Variants in GSK3B observed in about 807,000 individuals in gnomAD.
GSK3B encodes the protein glycogen synthase kinase-3 beta.
Under a neutral mutation model 56.4 loss-of-function variants are expected in GSK3B, and 15 were observed. The observed-to-expected ratio is 0.27, with a 90% confidence interval of 0.18 to 0.41. The LOEUF (loss-of-function observed/expected upper bound fraction) is 0.41. Ranked by LOEUF, GSK3B falls within the 10% of genes least tolerant of loss-of-function variation. GSK3B has a pLI of 1.00. For synonymous variants in GSK3B, 181 were observed against 188.9 expected (o/e 0.96, Z 0.34); for missense variants, 300 against 513.4 (o/e 0.58, Z 4.02).
chr3:119,990,159 C>A (rs563401841), intron 2 of GSK3B, among the ~76,000 whole-genome samples: 50 of 152,244 alleles, frequency 3.3e-4, no homozygotes, highest in African/African-American at 1.2e-3. Context: ...GACATGCTAG[C>A]CCCGAAATAA....
intron 2 of GSK3B, among the ~76,000 whole-genome samples, chr3:119,962,073 T>G (rs1224902197): frequency 6.6e-6 from 1 of 152,124 alleles, no homozygotes; most frequent in Non-Finnish European, 1.5e-5. Flanking sequence ...ATGGAGCATG[T>G]GTATATGAAA....
At chr3:119,969,859 T>C (rs1369389472) in intron 2 of GSK3B, among the ~76,000 whole-genome samples, 1 of 152,210 alleles carries the variant, frequency 6.6e-6, no homozygotes, top group Non-Finnish European at 1.5e-5. Flanking sequence ...CCAGGAATAA[T>C]GAATGAATTT....
intron 2 of GSK3B, among the ~76,000 whole-genome samples, chr3:120,001,291 G>A (rs898209446): frequency 6.6e-6 from 1 of 152,078 alleles, no homozygotes; most frequent in Non-Finnish European, 1.5e-5. Flanking sequence ...CAGCACTTTG[G>A]GAGGCTGAGA....
intron 2 of GSK3B, among the ~76,000 whole-genome samples, chr3:119,997,339 G>A (rs1478663271): frequency 6.6e-6 from 1 of 152,104 alleles, no homozygotes; most frequent in East Asian, 1.9e-4. Context: ...TTACATGGAG[G>A]AAGACTTGCA....
rs2055414001 is a variant in GSK3B, at chr3:119,821,840, TGTTTC to T, written c.*4943_*4947del. 5.9e-6 allele frequency: 1 copy of T among 170,182 alleles called. No individual in the cohort carries two copies. Among genetic ancestry groups the T allele is most frequent in the African/African-American group, 2.4e-5 (1 of 42,068 alleles). The allele number at this position is 170,182 out of a possible 1,614,324, so 10.5% of individuals were successfully genotyped here. A position where few individuals can be genotyped will look rare whatever the true frequency, so the allele number is the denominator to read the frequency against. On this transcript the variant is annotated 3_prime_UTR_variant, in exon 11 of 11. Coordinates refer to ENST00000264235, the MANE Select transcript of GSK3B (RefSeq NM_001146156.2). The stretch of plus-strand genomic sequence containing the variant: ...TCTTGTTCTGTATAACAAAGATTAA[TGTTTC>T]CCTAATTAGAGGAATGGAAATGGTG...
At position 120,093,329 on chromosome 3, in the gene GSK3B, A is replaced by G. The variant is rs943638890; in HGVS notation, c.88+18T>C. 5 of 1,550,408 alleles carry G rather than the reference A, an allele frequency of 3.2e-6. No individual in the cohort carries two copies. The highest frequency in any genetic ancestry group is 4.5e-5 in the East Asian group (2 of 44,546). ...AGGGCGAGGTGGAAAAGGGGTGTAA[A>G]ATAAAACCAATACTCACTGCTAACT... On this transcript the variant is annotated intron_variant, in intron 1 of 10. Coordinates refer to ENST00000264235, the MANE Select transcript of GSK3B (RefSeq NM_001146156.2).
intron 1 of GSK3B, among the ~76,000 whole-genome samples, chr3:120,011,954 A>C (rs1434563452): frequency 6.6e-6 from 1 of 152,162 alleles, no homozygotes; most frequent in East Asian, 1.9e-4. Context: ...CACTACCACT[A>C]ACTTCATATT....
intron 1 of GSK3B, among the ~76,000 whole-genome samples, chr3:120,075,200 T>A: frequency 6.6e-6 from 1 of 152,322 alleles, no homozygotes. Flanking sequence ...TAAAAACTCT[T>A]TAACAGTTTA....
At chr3:119,910,841 T>G (rs537453444) in intron 6 of GSK3B, among the ~76,000 whole-genome samples, 1 of 152,348 alleles carries the variant, frequency 6.6e-6, no homozygotes, top group East Asian at 1.9e-4. Flanking sequence ...TCTTAACCAC[T>G]AGTAGATTCC....
In GSK3B at chr3:120,093,385, A is replaced by G; in HGVS notation, c.50T>C (p.Val17Ala). 6.2e-7 allele frequency: 1 copy of G among 1,613,932 alleles called. No homozygotes were observed. Among genetic ancestry groups the G allele is most frequent in the African/African-American group, 1.3e-5 (1 of 75,052 alleles). ...TTSFAESCKP[V>A]QQPSAFGSMK... ...GCTGCCAAAAGCTGAAGGCTGCTGC[A>G]CCGGCTTGCAGCTCTCCGCAAAGGA... Residue 17 changes from valine to alanine, a missense_variant, in exon 1 of 11, where the codon GTG (valine) becomes GCG (alanine). Around this residue, in one of 6 missense-constraint regions of GSK3B, gnomAD observed 53 missense variants for 64.6 expected, o/e 0.82. Transcript: ENST00000264235.
intron 3 of GSK3B, among the ~76,000 whole-genome samples, chr3:119,930,046 C>G (rs2056929253): frequency 6.6e-6 from 1 of 150,774 alleles, no homozygotes; most frequent in Non-Finnish European, 1.5e-5. Flanking sequence ...ACCACTGCAA[C>G]CCAGCCTGGA....
intron 10 of GSK3B, among the ~76,000 whole-genome samples, chr3:119,827,608 A>T (rs9875945): frequency 0.061 from 5,799 of 94,538 alleles, 585 homozygotes; most frequent in African/African-American, 0.2. Flanking sequence ...AAAAAAAAAA[A>T]AGAGAGAGAG....
intron 3 of GSK3B, among the ~76,000 whole-genome samples, chr3:119,933,857 G>A (rs995758646): frequency 6.6e-6 from 1 of 152,026 alleles, no homozygotes; most frequent in Non-Finnish European, 1.5e-5. Context: ...AGCCTGATAG[G>A]CAGAGCGAGA....
intron 3 of GSK3B, among the ~76,000 whole-genome samples, chr3:119,931,184 A>AT (rs1365566910): frequency 6.6e-6 from 1 of 152,230 alleles, no homozygotes; most frequent in Non-Finnish European, 1.5e-5. Context: ...AGATGCTAAT[A>AT]TTTTGAGAAG....
chr3:120,035,067 T>C (rs994350673), intron 1 of GSK3B, among the ~76,000 whole-genome samples: 1 of 151,930 alleles, frequency 6.6e-6, no homozygotes, highest in Non-Finnish European at 1.5e-5. Context: ...CACTCCAGCC[T>C]GGGCGAGAGA....
chr3:119,997,712 A>G (rs2057633433), intron 2 of GSK3B, among the ~76,000 whole-genome samples: 2 of 152,238 alleles, frequency 1.3e-5, no homozygotes, highest in Non-Finnish European at 2.9e-5. Flanking sequence ...GTTAGTTCTC[A>G]TCATCAGAGA....
At chr3:120,049,734 AGG>A (rs1052223159) in intron 1 of GSK3B, among the ~76,000 whole-genome samples, 2 of 152,198 alleles carry the variant, frequency 1.3e-5, no homozygotes, top group African/African-American at 4.8e-5. Flanking sequence ...AGAATAGACA[AGG>A]CTGGAGACAG....
chr3:120,012,484 C>CTGA (rs2057787187), intron 1 of GSK3B, among the ~76,000 whole-genome samples: 1 of 152,184 alleles, frequency 6.6e-6, no homozygotes, highest in South Asian at 2.1e-4. Flanking sequence ...CAGCTTCAGG[C>CTGA]CCTCTCTCCC....
chr3:119,823,179 T>C lies in GSK3B; in HGVS notation c.*3609A>G, dbSNP rs2055440517. The C allele has an allele frequency of 1.3e-5, 3 of 229,052 alleles. No individual in the cohort carries two copies. Among genetic ancestry groups the C allele is most frequent in the Non-Finnish European group, 2.6e-5 (3 of 115,442 alleles). The allele number at this position is 229,052 out of a possible 1,614,324, so 14.2% of individuals were successfully genotyped here. ...TTTCTTCTATTCAAGACATTTTATA[T>C]GGACTACTTTGAGGCAAAACATTCT... On this transcript the variant is annotated 3_prime_UTR_variant, in exon 11 of 11. Transcript: ENST00000264235.
Sources: allele counts gnomAD v4.1 joint callset (sites outside exome capture counted in the v4.1 genomes callset), GRCh38; gene constraint gnomAD v4.1.1; regional missense constraint gnomAD v4.1.1; transcripts MANE v1.5; gene names NCBI Gene and HGNC (gene_info 2026-07-23, HGNC 2026-07-21).